SDCBP2: variants seen among roughly 807,000 people sequenced by gnomAD.
SDCBP2 encodes the protein syndecan binding protein 2.
In SDCBP2, 28 loss-of-function variants were observed where a neutral mutation model predicts 30.7. The ratio of observed to expected loss-of-function variants is 0.91; its 90% CI spans 0.68 to 1.25. SDCBP2 has a LOEUF of 1.25. SDCBP2 is among the 50% of genes most tolerant of loss of function. The pLI, the probability that SDCBP2 is intolerant of heterozygous loss-of-function variation, is 0.00. For missense variants in SDCBP2, 399 were observed against 379.0 expected (o/e 1.05, Z -0.44); for synonymous variants, 166 against 157.3 (o/e 1.06, Z -0.41).
intron 1 of SDCBP2, chr20:1,323,579 G>C (rs758562926): frequency 2.0e-5 from 3 of 152,106 alleles, no homozygotes; most frequent in Admixed American, 2.0e-4. Flanking sequence ...GCTGGGATGC[G>C]GGGAAGTGAG....
intron 4 of SDCBP2, chr20:1,317,916 A>C: frequency 2.9e-6 from 1 of 344,530 alleles, no homozygotes; most frequent in Non-Finnish European, 5.7e-6. Flanking sequence ...CATGGAAAGC[A>C]GGAATTGAGC....
chr20:1,316,026 C>T (rs74416694), intron 4 of SDCBP2, among the ~76,000 whole-genome samples: 3,933 of 152,236 alleles, frequency 0.026, 173 homozygotes, highest in African/African-American at 0.09. Context: ...TCACCTGACC[C>T]GGGAGGTGGA....
rs2088722303 is a variant in SDCBP2 at position 1,313,616 on chromosome 20, A to G, written c.226-118T>C. On this transcript the variant is annotated intron_variant, in intron 4 of 8. Coordinates refer to ENST00000360779, the MANE Select transcript of SDCBP2 (RefSeq NM_080489.5). This position sits in a 1 kb window ranked among gnomAD's most constrained non-coding sequence, Gnocchi z 5.2. ...GATGGAGCCGTCCCCGGGTCCCCCC[A>G]CGTCCCCAGTCCACGCTTCTCCCCT... 1 of 1,425,486 alleles carries G rather than the reference A, an allele frequency of 7.0e-7. No individual in the cohort carries two copies. Among genetic ancestry groups the G allele is most frequent in the Non-Finnish European group, 9.2e-7 (1 of 1,092,262 alleles). The allele number at this position is 1,425,486 out of a possible 1,614,324, so 88.3% of individuals were successfully genotyped here.
intron 1 of SDCBP2, among the ~76,000 whole-genome samples, chr20:1,328,088 G>A (rs1214480197): frequency 6.6e-6 from 1 of 152,174 alleles, no homozygotes; most frequent in Non-Finnish European, 1.5e-5. Context: ...GGGTGGGCAC[G>A]GCCATTGCAG....
intron 8 of SDCBP2, 52 bp from the exon 9 acceptor site, chr20:1,310,547 C>G: frequency 1.3e-6 from 2 of 1,551,584 alleles, no homozygotes; most frequent in Non-Finnish European, 1.8e-6. Flanking sequence ...TCTCCACCCT[C>G]CAGCAACCTC....
chr20:1,320,731 A>C lies in SDCBP2; in HGVS notation c.-19-296T>G. 4.2e-6 allele frequency: 1 copy of C among 238,052 alleles called. No homozygotes were observed. The highest frequency in any genetic ancestry group is 8.2e-6 in the Non-Finnish European group (1 of 121,378). 14.7% of individuals were successfully genotyped at this position (238,052 alleles called of 1,614,324 possible). Reference sequence around the variant, plus strand: ...AAACTGTAGCAGAACTTAGACACTCAACAGGGCACTGCTCCAGAGGGAGGA... The same window carrying C: ...AAACTGTAGCAGAACTTAGACACTCCACAGGGCACTGCTCCAGAGGGAGGA... On this transcript the variant is annotated intron_variant, in intron 1 of 8. Coordinates refer to ENST00000360779, the MANE Select transcript of SDCBP2 (RefSeq NM_080489.5). This position sits in a 1 kb window ranked among gnomAD's most constrained non-coding sequence, Gnocchi z 4.7.
At position 1,320,385 on chromosome 20, in the gene SDCBP2, AG is replaced by A. The variant is rs537573255; in HGVS notation, c.31del (p.Leu11Ter). On this transcript the variant is annotated frameshift_variant, in exon 2 of 9. Coordinates refer to ENST00000360779, the MANE Select transcript of SDCBP2 (RefSeq NM_080489.5). LOFTEE classifies it high-confidence loss of function. This position sits in a 1 kb window ranked among gnomAD's most constrained non-coding sequence, Gnocchi z 4.7. ...TACCTGAATGGCTTGGTCCACTTTTAGGTCCTCTAGAGATGGGTACAGGGAT... is the reference window on the plus strand; with the variant it reads ...TACCTGAATGGCTTGGTCCACTTTTAGTCCTCTAGAGATGGGTACAGGGAT... MSSLYPSLED[L>X]KVDQAIQAQV... The A allele has an allele frequency of 1.1e-4, 181 of 1,613,926 alleles. No homozygotes were observed. The highest frequency in any genetic ancestry group is 3.3e-4 in the Middle Eastern group (2 of 6,080).
At chr20:1,328,061 T>A (rs2088955941) in intron 1 of SDCBP2, among the ~76,000 whole-genome samples, 1 of 152,140 alleles carries the variant, frequency 6.6e-6, no homozygotes, top group Admixed American at 6.5e-5. Context: ...GGGTGACATT[T>A]GAGGAAAGGC....
intron 4 of SDCBP2, among the ~76,000 whole-genome samples, chr20:1,317,306 G>A (rs2088791952): frequency 6.6e-6 from 1 of 152,132 alleles, no homozygotes; most frequent in East Asian, 1.9e-4. Flanking sequence ...TGGGTGAAGG[G>A]TACTAACAAC....
At chr20:1,312,861 A>C (rs957604356) in intron 5 of SDCBP2, 99 bp from the exon 6 acceptor site, 2 of 1,323,828 alleles carry the variant, frequency 1.5e-6, no homozygotes, top group African/African-American at 1.5e-5. Flanking sequence ...CCAGGAACCT[A>C]CAGGGTGCCA....
In SDCBP2 at chr20:1,313,305, C is replaced by A; in HGVS notation, c.384+35G>T. The stretch of plus-strand genomic sequence containing the variant: ...GCCTGGCGGGAGAGCGCGTGCAGCT[C>A]GAGCTCCTCTTCCCACCCAGCCCCC... On this transcript the variant is annotated intron_variant, in intron 5 of 8. Transcript: ENST00000360779. The surrounding 1 kb of genome is among the most constrained non-coding windows in gnomAD (Gnocchi z 5.2). 1 of 1,598,568 alleles carries A rather than the reference C, an allele frequency of 6.3e-7. No individual in the cohort carries two copies.
rs572488945 is a variant in SDCBP2, at chr20:1,319,274, C to T, written c.124+316G>A. Among the ~76,000 whole-genome samples the T allele has an allele frequency of 3.3e-5, 5 of 152,344 alleles. No individual in the cohort carries two copies. In the East Asian group the frequency reaches 9.6e-4, roughly 29 times the overall value. On this transcript the variant is annotated intron_variant, in intron 3 of 8. Coordinates refer to ENST00000360779, the MANE Select transcript of SDCBP2 (RefSeq NM_080489.5). ...CACAAATGATATCACATCCTCAAGGCAGCCTTGCTGGGGGCATCAGAGAAG... is the reference window on the plus strand; with the variant it reads ...CACAAATGATATCACATCCTCAAGGTAGCCTTGCTGGGGGCATCAGAGAAG...
intron 7 of SDCBP2, 33 bp downstream of exon 7, chr20:1,312,304 G>A (rs377190101): frequency 2.4e-5 from 38 of 1,602,576 alleles, no homozygotes; most frequent in Admixed American, 2.2e-4. Context: ...CCCACCACCC[G>A]GCAGTCCCTC....
Position 1,324,502 on chromosome 20 carries a change from A to G in SDCBP2, c.-19-4067T>C, listed in dbSNP as rs957713619. The G allele has an allele frequency of 2.6e-5, 4 of 152,114 alleles. No homozygotes were observed. The highest frequency in any genetic ancestry group is 5.9e-5 in the Non-Finnish European group (4 of 68,012). The allele number at this position is 152,114 out of a possible 1,614,324, so 9.4% of individuals were successfully genotyped here. A position where few individuals can be genotyped will look rare whatever the true frequency, so the allele number is the denominator to read the frequency against. ...GGGACAGTCCATTACAGTCACCATA[A>G]CAAATGGTCCTGTCCCGCACAACTT... is the stretch of plus-strand genomic sequence containing the variant. On this transcript the variant is annotated intron_variant, in intron 1 of 8. Coordinates refer to ENST00000360779, the MANE Select transcript of SDCBP2 (RefSeq NM_080489.5). This position sits in a 1 kb window ranked among gnomAD's most constrained non-coding sequence, Gnocchi z 4.7.
At chr20:1,318,798 A>G (rs989606063) in intron 3 of SDCBP2, among the ~76,000 whole-genome samples, 6 of 152,280 alleles carry the variant, frequency 3.9e-5, no homozygotes, top group African/African-American at 1.4e-4. Flanking sequence ...CTCATGCTGT[A>G]TCTCTCTCGT....
chr20:1,322,363 A>G (rs1437633285), intron 1 of SDCBP2: 1 of 152,160 alleles, frequency 6.6e-6, no homozygotes. Flanking sequence ...AGGAGTTCCA[A>G]GATGGCAGGA....
At chr20:1,314,409 C>T (rs2088737247) in intron 4 of SDCBP2, among the ~76,000 whole-genome samples, 1 of 133,128 alleles carries the variant, frequency 7.5e-6, no homozygotes, top group African/African-American at 2.8e-5. Flanking sequence ...ATTACATGAA[C>T]CCAGGAGGTG....
chr20:1,310,492 C>CA lies in SDCBP2; in HGVS notation c.827dup (p.Leu276PhefsTer57), dbSNP rs751098633. 6.2e-6 allele frequency: 10 copies of CA among 1,613,584 alleles called. No individual in the cohort carries two copies. The highest frequency in any genetic ancestry group is 8.5e-6 in the Non-Finnish European group (10 of 1,179,960). On this transcript the variant is annotated frameshift_variant, in exon 9 of 9. Transcript: ENST00000360779. LOFTEE classifies it high-confidence loss of function. ...TGGTGTGGTGGAGCAGGACTGGAGG[C>CA]AACCTGGATACAGCAACAACAGTGA...
At position 1,320,390 on chromosome 20, in the gene SDCBP2, C is replaced by G; in HGVS notation, c.27G>C (p.Glu9Asp). MSSLYPSLEDLKVDQAIQA... is the reference protein window; with the variant it reads MSSLYPSLDDLKVDQAIQA... Reference sequence around the variant, plus strand: ...GAATGGCTTGGTCCACTTTTAGGTCCTCTAGAGATGGGTACAGGGATGACA... The same window carrying G: ...GAATGGCTTGGTCCACTTTTAGGTCGTCTAGAGATGGGTACAGGGATGACA... The change falls in exon 2 of 9, where the codon GAG becomes GAC. Residue 9 changes from glutamate (E) to aspartate (D), a missense_variant. By Grantham distance (45) the Glu-to-Asp change is conservative. Coordinates refer to ENST00000360779, the MANE Select transcript of SDCBP2 (RefSeq NM_080489.5). This position sits in a 1 kb window ranked among gnomAD's most constrained non-coding sequence, Gnocchi z 4.7. The G allele has an allele frequency of 3.7e-6, 6 of 1,614,050 alleles. No homozygotes were observed. Among genetic ancestry groups the G allele is most frequent in the Non-Finnish European group, 4.2e-6 (5 of 1,179,932 alleles).
Sources: allele counts gnomAD v4.1 joint callset (sites outside exome capture counted in the v4.1 genomes callset), GRCh38; gene constraint gnomAD v4.1.1; non-coding constraint Gnocchi (gnomAD v3.1); transcripts MANE v1.5; gene names NCBI Gene and HGNC (gene_info 2026-07-23, HGNC 2026-07-21).